The following NFATC1 variants were observed in gnomAD, a reference collection of about 807,000 sequenced individuals.
NFATC1 encodes nuclear factor of activated T cells 1, also known as nuclear factor of activated T-cells, cytoplasmic 1.
Under a neutral mutation model 76.0 loss-of-function variants are expected in NFATC1, and 22 were observed. The observed-to-expected ratio is 0.29, with a 90% CI of 0.21 to 0.41. The LOEUF (loss-of-function observed/expected upper bound fraction) is 0.41. Ranked by LOEUF, NFATC1 falls within the 10% of genes least tolerant of loss-of-function variation. The probability of loss-of-function intolerance (pLI) is 1.00; values close to 1 mark genes in which losing one functional copy is unlikely to be tolerated. For missense variants in NFATC1, 1,357 were observed against 1,337.7 expected (o/e 1.01, Z -0.23); for synonymous variants, 704 against 613.1 (o/e 1.15, Z -2.19).
intron 2 of NFATC1, among the ~76,000 whole-genome samples, chr18:79,424,645 CTCTT>C (rs1172199467): frequency 1.1e-4 from 17 of 151,628 alleles, no homozygotes; most frequent in African/African-American, 3.6e-4. Context: ...CTCTCTGTCT[CTCTT>C]TCCGTCTCTG....
At chr18:79,418,492 C>T (rs61467591) in intron 2 of NFATC1, among the ~76,000 whole-genome samples, 1,676 of 152,310 alleles carry the variant, frequency 0.011, 32 homozygotes, top group African/African-American at 0.038. Context: ...CGGGGACCCT[C>T]GGCCCAGACT....
At chr18:79,407,433 G>T (rs930808598) in intron 1 of NFATC1, among the ~76,000 whole-genome samples, 1 of 152,116 alleles carries the variant, frequency 6.6e-6, no homozygotes, top group East Asian at 1.9e-4. Flanking sequence ...GGGAAAGAAA[G>T]ACCTCCTTAT....
chr18:79,482,576 T>G (rs2089322902), intron 8 of NFATC1, among the ~76,000 whole-genome samples: 1 of 140,686 alleles, frequency 7.1e-6, no homozygotes, highest in African/African-American at 2.7e-5. Context: ...AATTCCAGCG[T>G]GACCTGGTCC....
At chr18:79,492,687 T>G (rs187324507) in intron 9 of NFATC1, among the ~76,000 whole-genome samples, 2 of 146,628 alleles carry the variant, frequency 1.4e-5, no homozygotes, top group Non-Finnish European at 3.0e-5. Context: ...CCAGCCTGGG[T>G]GACAGAGCGA....
At chr18:79,487,498 G>A (rs557320952) in intron 9 of NFATC1, among the ~76,000 whole-genome samples, 95 of 152,356 alleles carry the variant, frequency 6.2e-4, no homozygotes, top group African/African-American at 2.1e-3. Context: ...CAGGCCCCAG[G>A]TGCAGGGTCT....
intron 9 of NFATC1, among the ~76,000 whole-genome samples, chr18:79,489,906 G>T (rs1476330295): frequency 1.3e-5 from 2 of 152,226 alleles, no homozygotes; most frequent in East Asian, 1.9e-4. Flanking sequence ...CCGCTTCGGG[G>T]GTCGGGGTTG....
Position 79,410,520 on chromosome 18 carries a change from C to T in NFATC1, c.245C>T (p.Pro82Leu), listed in dbSNP as rs773684814. ...LQTSTPGIIPPADHPSGYGAA... is the reference protein window; with the variant it reads ...LQTSTPGIIPLADHPSGYGAA... Reference sequence around the variant, plus strand: ...ACCTCCACACCGGGCATCATCCCGCCGGCGGATCACCCCTCGGGGTACGGA... The same window carrying T: ...ACCTCCACACCGGGCATCATCCCGCTGGCGGATCACCCCTCGGGGTACGGA... The change falls in exon 2 of 10, where the codon CCG becomes CTG. Residue 82 changes from proline to leucine, a missense_variant. Pro to Leu is a moderately conservative substitution (Grantham distance 98). Transcript: ENST00000427363. This position sits in a 1 kb window ranked among gnomAD's most constrained non-coding sequence, Gnocchi z 6.7. The T allele has an allele frequency of 1.1e-5, 18 of 1,611,760 alleles. No individual in the cohort carries two copies. The highest frequency in any genetic ancestry group is 6.7e-5 in the Admixed American group (4 of 59,990).
intron 2 of NFATC1, chr18:79,422,740 AC>A (rs1418907120): frequency 6.6e-6 from 1 of 152,072 alleles, no homozygotes; most frequent in African/African-American, 2.4e-5. Flanking sequence ...CTTCCCAAGC[AC>A]CCTCTCCCAC....
chr18:79,408,124 C>G (rs1416839958), intron 1 of NFATC1, among the ~76,000 whole-genome samples: 1 of 152,234 alleles, frequency 6.6e-6, no homozygotes, highest in African/African-American at 2.4e-5. Context: ...ACCTGGGGCG[C>G]TAGAACCATT....
intron 2 of NFATC1, among the ~76,000 whole-genome samples, chr18:79,432,032 C>T (rs2086607802): frequency 6.6e-6 from 1 of 152,214 alleles, no homozygotes; most frequent in African/African-American, 2.4e-5. Flanking sequence ...TTTGGGTTCA[C>T]AGTGTGTCCT....
intron 2 of NFATC1, among the ~76,000 whole-genome samples, chr18:79,419,438 C>T (rs1250982094): frequency 1.5e-4 from 21 of 143,202 alleles, no homozygotes; most frequent in Admixed American, 1.1e-3. Flanking sequence ...AGAACCTGCC[C>T]GGGAGCCCCC....
chr18:79,425,002 T>C (rs2086254511), intron 2 of NFATC1, among the ~76,000 whole-genome samples: 1 of 147,092 alleles, frequency 6.8e-6, no homozygotes, highest in Non-Finnish European at 1.5e-5. Flanking sequence ...TCTATCTCTG[T>C]GTCTGTCTCT....
chr18:79,401,875 C>CGTGT (rs1419120656), intron 1 of NFATC1, among the ~76,000 whole-genome samples: 1 of 152,228 alleles, frequency 6.6e-6, no homozygotes, highest in Non-Finnish European at 1.5e-5. Context: ...AACCCAGGCC[C>CGTGT]TACACCCCAG....
chr18:79,411,912 G>A (rs557036969), intron 2 of NFATC1, among the ~76,000 whole-genome samples: 8 of 152,294 alleles, frequency 5.3e-5, no homozygotes, highest in Middle Eastern at 3.4e-3. Flanking sequence ...TTTCTTCCTC[G>A]GGGAATTGCA....
At chr18:79,459,821 T>C (rs1272192770) in intron 6 of NFATC1, among the ~76,000 whole-genome samples, 1 of 152,118 alleles carries the variant, frequency 6.6e-6, no homozygotes, top group Non-Finnish European at 1.5e-5. Context: ...ATTTGGATTT[T>C]TATGAAGTGG....
rs148303634 is a variant in NFATC1, at chr18:79,405,966, CG to C, written c.128-4435del. ...CCCGTCACAGAAACGTCAAGGGCTA[CG>C]GCCCCTGAGGACTTGCACACAGAGA... On this transcript the variant is annotated intron_variant, in intron 1 of 9. Transcript: ENST00000427363. Among the ~76,000 whole-genome samples, 729 of 152,266 alleles carry C rather than the reference CG, an allele frequency of 4.8e-3. 4 individuals carry two copies. The highest frequency in any genetic ancestry group is 0.017 in the African/African-American group (699 of 41,552).
intron 1 of NFATC1, among the ~76,000 whole-genome samples, chr18:79,407,345 C>T (rs1479405679): frequency 1.3e-5 from 2 of 152,204 alleles, no homozygotes; most frequent in African/African-American, 2.4e-5. Context: ...GTGTCCTGAC[C>T]AGAGGCCAGG....
chr18:79,507,755 C>T (rs1165885787), intron 9 of NFATC1, among the ~76,000 whole-genome samples: 8 of 152,256 alleles, frequency 5.3e-5, no homozygotes, highest in African/African-American at 1.9e-4. Context: ...AAACCTTCTC[C>T]CTCGCCCTCT....
intron 2 of NFATC1, among the ~76,000 whole-genome samples, chr18:79,426,399 G>T (rs2086334989): frequency 1.3e-5 from 2 of 152,196 alleles, no homozygotes; most frequent in Admixed American, 1.3e-4. Flanking sequence ...CGGCTCCCCA[G>T]GCCACGGGGG....
Sources: allele counts gnomAD v4.1 joint callset (sites outside exome capture counted in the v4.1 genomes callset), GRCh38; gene constraint gnomAD v4.1.1; non-coding constraint Gnocchi (gnomAD v3.1); transcripts MANE v1.5; gene names NCBI Gene and HGNC (gene_info 2026-07-23, HGNC 2026-07-21).